The following TTC23 variants were observed in gnomAD, a reference collection of about 807,000 sequenced individuals.
TTC23 encodes the protein tetratricopeptide repeat domain 23, also known as tetratricopeptide repeat protein 23.
TTC23 carries 58 observed loss-of-function variants against 55.1 expected under a neutral mutation model. The ratio of observed to expected loss-of-function variants is 1.05; its 90% CI spans 0.85 to 1.31. The LOEUF is 1.31. Ranked by LOEUF, TTC23 falls within the 50% of genes most tolerant of loss-of-function variation. The pLI, the probability that TTC23 is intolerant of heterozygous loss-of-function variation, is 0.00. For missense variants in TTC23, 516 were observed against 534.4 expected (o/e 0.97, Z 0.34); for synonymous variants, 203 against 199.9 (o/e 1.02, Z -0.13).
chr15:99,234,681 C>A lies in TTC23; in HGVS notation c.-21+307G>T, dbSNP rs181273362. Reference sequence around the variant, plus strand: ...GCCACCGCACCTGGCCAAAAATGGGCAATTTATTTTAACAGACGCTTCATC... The same window carrying A: ...GCCACCGCACCTGGCCAAAAATGGGAAATTTATTTTAACAGACGCTTCATC... On this transcript the variant is annotated intron_variant, in intron 4 of 13. Coordinates refer to ENST00000394132, the MANE Select transcript of TTC23 (RefSeq NM_001288615.3). Among the ~76,000 whole-genome samples the A allele has an allele frequency of 9.2e-5, 14 of 152,070 alleles. No homozygotes were observed. In the East Asian group the frequency reaches 2.7e-3, roughly 29 times the overall value.
At chr15:99,231,462 T>C (rs908961522) in intron 4 of TTC23, among the ~76,000 whole-genome samples, 1 of 152,206 alleles carries the variant, frequency 6.6e-6, no homozygotes, top group Admixed American at 6.5e-5. Flanking sequence ...CCTGACTGTG[T>C]AGACCTACAT....
intron 4 of TTC23, among the ~76,000 whole-genome samples, chr15:99,234,025 C>T (rs2079123080): frequency 6.6e-6 from 1 of 152,028 alleles, no homozygotes; most frequent in African/African-American, 2.4e-5. Context: ...ATATTATATA[C>T]AAAAATTAAC....
chr15:99,176,481 T>A (rs1193585759), intron 9 of TTC23, among the ~76,000 whole-genome samples: 1 of 152,078 alleles, frequency 6.6e-6, no homozygotes, highest in Non-Finnish European at 1.5e-5. Context: ...CATGGTGGCA[T>A]ATGCCTGCAG....
intron 13 of TTC23, among the ~76,000 whole-genome samples, chr15:99,138,470 C>T (rs1218280861): frequency 5.3e-5 from 8 of 152,122 alleles, no homozygotes; most frequent in Non-Finnish European, 8.8e-5. Context: ...CATGCCACCA[C>T]GCCCAGCTAA....
At chr15:99,184,427 G>C (rs2074469554) in intron 9 of TTC23, among the ~76,000 whole-genome samples, 1 of 152,224 alleles carries the variant, frequency 6.6e-6, no homozygotes, top group South Asian at 2.1e-4. Flanking sequence ...GAAGGCCCTG[G>C]AGCTCACCTC....
chr15:99,194,683 C>T (rs1315583824), intron 9 of TTC23, among the ~76,000 whole-genome samples: 4 of 152,048 alleles, frequency 2.6e-5, no homozygotes, highest in African/African-American at 9.7e-5. Flanking sequence ...CACCTATAAT[C>T]CCAGCACTTT....
intron 8 of TTC23, among the ~76,000 whole-genome samples, chr15:99,203,329 A>C (rs866821667): frequency 6.6e-6 from 1 of 152,118 alleles, no homozygotes; most frequent in Non-Finnish European, 1.5e-5. Context: ...TTTTAAAAAA[A>C]TTTTAAATTA....
intron 8 of TTC23, among the ~76,000 whole-genome samples, chr15:99,201,788 GA>G (rs757084498): frequency 4.6e-5 from 7 of 152,198 alleles, no homozygotes; most frequent in Admixed American, 3.3e-4. Flanking sequence ...TTCTGATGCT[GA>G]AGGAGCTTAG....
At chr15:99,232,315 C>T (rs1321570800) in intron 4 of TTC23, among the ~76,000 whole-genome samples, 2 of 150,710 alleles carry the variant, frequency 1.3e-5, no homozygotes, top group Non-Finnish European at 3.0e-5. Context: ...CCATCTCTCC[C>T]AAAAATACAG....
At chr15:99,144,196 T>C (rs1166127568) in intron 12 of TTC23, among the ~76,000 whole-genome samples, 1 of 152,172 alleles carries the variant, frequency 6.6e-6, no homozygotes, top group Non-Finnish European at 1.5e-5. Context: ...GTTTGAAAGC[T>C]AGGAGTCTAA....
intron 5 of TTC23, 120 bp downstream of exon 5, chr15:99,228,413 T>C (rs2078644625): frequency 1.1e-6 from 1 of 894,244 alleles, no homozygotes; most frequent in Middle Eastern, 3.2e-4. Flanking sequence ...CACTGTCTTA[T>C]ATACTTTCTT....
chr15:99,216,832 G>A (rs1180489756), intron 8 of TTC23, among the ~76,000 whole-genome samples: 1 of 152,160 alleles, frequency 6.6e-6, no homozygotes, highest in Non-Finnish European at 1.5e-5. Context: ...TTTGTACTCA[G>A]TACCACCCCT....
At chr15:99,201,223 T>C (rs960021721) in intron 8 of TTC23, among the ~76,000 whole-genome samples, 1 of 152,254 alleles carries the variant, frequency 6.6e-6, no homozygotes, top group African/African-American at 2.4e-5. Flanking sequence ...AAAATATTTC[T>C]ATACCTTCTT....
intron 12 of TTC23, among the ~76,000 whole-genome samples, chr15:99,147,319 A>T (rs1350619928): frequency 1.4e-5 from 2 of 143,036 alleles, no homozygotes; most frequent in African/African-American, 5.2e-5. Flanking sequence ...TCCGCCTCCC[A>T]GGTTCACGCC....
intron 2 of TTC23, among the ~76,000 whole-genome samples, chr15:99,241,833 A>T (rs1649660054): frequency 6.6e-6 from 1 of 152,164 alleles, no homozygotes; most frequent in South Asian, 2.1e-4. Context: ...AGTGGCTTTT[A>T]GGAAATAAAA....
intron 2 of TTC23, among the ~76,000 whole-genome samples, chr15:99,242,766 T>C (rs1321122775): frequency 6.6e-6 from 1 of 152,126 alleles, no homozygotes; most frequent in African/African-American, 2.4e-5. Context: ...AGAAAACACA[T>C]TTGGCAAAAT....
At chr15:99,226,674 C>CCT (rs1455577537) in intron 5 of TTC23, among the ~76,000 whole-genome samples, 2 of 152,194 alleles carry the variant, frequency 1.3e-5, no homozygotes, top group East Asian at 3.9e-4. Context: ...CCTGCTTGTG[C>CCT]CTACCCTGTA....
intron 9 of TTC23, among the ~76,000 whole-genome samples, chr15:99,178,610 T>C (rs977485900): frequency 6.6e-6 from 1 of 152,144 alleles, no homozygotes; most frequent in Non-Finnish European, 1.5e-5. Flanking sequence ...ACTACAAAAA[T>C]GTAGGATAGT....
chr15:99,249,577 A>G lies in TTC23; in HGVS notation c.-837T>C, dbSNP rs2080550593. ...GCCTTTTCCCATAAAGCAAGCGGGT[A>G]CCTCACAAAACTCCAGGCAAAAGAA... On this transcript the variant is annotated 5_prime_UTR_variant, in exon 1 of 14. Coordinates refer to ENST00000394132, the MANE Select transcript of TTC23 (RefSeq NM_001288615.3). 1 of 152,192 alleles carries G rather than the reference A, an allele frequency of 6.6e-6. No individual in the cohort carries two copies. Among genetic ancestry groups the G allele is most frequent in the African/African-American group, 2.4e-5 (1 of 41,424 alleles). 9.4% of individuals were successfully genotyped at this position (152,192 alleles called of 1,614,324 possible).
Sources: allele counts gnomAD v4.1 joint callset (sites outside exome capture counted in the v4.1 genomes callset), GRCh38; gene constraint gnomAD v4.1.1; transcripts MANE v1.5; gene names NCBI Gene and HGNC (gene_info 2026-07-23, HGNC 2026-07-21).